VIPR2: variants seen among roughly 807,000 people sequenced by gnomAD.
VIPR2 encodes the protein vasoactive intestinal polypeptide receptor 2.
VIPR2 carries 48 observed loss-of-function variants against 58.0 expected under a neutral mutation model. The observed-to-expected ratio is 0.83, with a 90% CI of 0.66 to 1.05. The LOEUF (loss-of-function observed/expected upper bound fraction) is 1.05, where lower values mean the gene tolerates loss of function less well. VIPR2 is among the 50% of genes least tolerant of loss of function. The probability of loss-of-function intolerance (pLI) is 0.00; values close to 1 mark genes in which losing one functional copy is unlikely to be tolerated. For synonymous variants in VIPR2, 243 were observed against 235.2 expected (o/e 1.03, Z -0.30); for missense variants, 534 against 558.0 (o/e 0.96, Z 0.43).
intron 4 of VIPR2, among the ~76,000 whole-genome samples, chr7:159,059,715 A>G (rs1855522510): frequency 7.5e-6 from 1 of 132,926 alleles, no homozygotes; most frequent in East Asian, 2.0e-4. Flanking sequence ...AGAATATGTC[A>G]TTAACCACCA....
intron 4 of VIPR2, among the ~76,000 whole-genome samples, chr7:159,094,707 G>A (rs1000122440): frequency 5.3e-5 from 8 of 152,208 alleles, no homozygotes; most frequent in African/African-American, 9.6e-5. Context: ...CAGACAGCCC[G>A]TAATCAGTGC....
At chr7:159,074,737 C>G (rs1436132505) in intron 4 of VIPR2, among the ~76,000 whole-genome samples, 1 of 152,116 alleles carries the variant, frequency 6.6e-6, no homozygotes, top group African/African-American at 2.4e-5. Flanking sequence ...CCTGTAATCC[C>G]AACACTTTGG....
chr7:159,113,275 C>T (rs111591686), intron 2 of VIPR2, among the ~76,000 whole-genome samples: 45,475 of 152,060 alleles, frequency 0.3, 7,632 homozygotes, highest in African/African-American at 0.46. Context: ...TAGAAAGACA[C>T]TGTGAAACTT....
intron 4 of VIPR2, among the ~76,000 whole-genome samples, chr7:159,088,389 A>G (rs1246346047): frequency 6.6e-6 from 1 of 152,054 alleles, no homozygotes; most frequent in Non-Finnish European, 1.5e-5. Context: ...TACACCACAC[A>G]CAAGCTGCAG....
chr7:159,056,898 A>C (rs1219273224), intron 5 of VIPR2, among the ~76,000 whole-genome samples: 1 of 152,208 alleles, frequency 6.6e-6, no homozygotes, highest in Non-Finnish European at 1.5e-5. Flanking sequence ...AGCTCTGGAC[A>C]CTATGTGGTC....
At chr7:159,047,328 G>A (rs1156725307) in intron 5 of VIPR2, among the ~76,000 whole-genome samples, 1 of 152,178 alleles carries the variant, frequency 6.6e-6, no homozygotes, top group East Asian at 1.9e-4. Flanking sequence ...TTTTTGATGA[G>A]TTGTGTGGTT....
chr7:159,110,568 G>A (rs921798711), intron 2 of VIPR2, among the ~76,000 whole-genome samples: 2 of 123,194 alleles, frequency 1.6e-5, no homozygotes, highest in African/African-American at 6.4e-5. Flanking sequence ...CAACAGTGAT[G>A]GAATGCATGT....
intron 4 of VIPR2, among the ~76,000 whole-genome samples, chr7:159,091,812 G>A (rs546959078): frequency 1.6e-4 from 24 of 152,330 alleles, no homozygotes; most frequent in African/African-American, 4.1e-4. Flanking sequence ...CTCCTTCCAC[G>A]GGCCTGAGCA....
chr7:159,066,622 C>T (rs1856108575), intron 4 of VIPR2, among the ~76,000 whole-genome samples: 1 of 152,248 alleles, frequency 6.6e-6, no homozygotes, highest in Non-Finnish European at 1.5e-5. Flanking sequence ...TCTGGGATGG[C>T]TTGGTGGACC....
Position 159,098,643 on chromosome 7 carries a change from C to T in VIPR2, c.357+5114G>A, listed in dbSNP as rs911590292. ...CAGTGCCCAGGGCTGCCCTAGAGCC[C>T]TCTGGTCCGCAGAGCCCTTCTCCTC... On this transcript the variant is annotated intron_variant, in intron 4 of 12. Transcript: ENST00000262178. This position sits in a 1 kb window ranked among gnomAD's most constrained non-coding sequence, Gnocchi z 5.2. Among the ~76,000 whole-genome samples, 4 of 152,198 alleles carry T rather than the reference C, an allele frequency of 2.6e-5. No homozygotes were observed. Among genetic ancestry groups the T allele is most frequent in the Non-Finnish European group, 5.9e-5 (4 of 68,046 alleles).
chr7:159,030,533 C>T lies in VIPR2; in HGVS notation c.*83G>A. On this transcript the variant is annotated 3_prime_UTR_variant, in exon 13 of 13. Coordinates refer to ENST00000262178, the MANE Select transcript of VIPR2 (RefSeq NM_003382.5). ...CCTGCCCGACACGGTGCTCGGGCAT[C>T]TGGAAGGAGGAAGCCGGCGTCTCAG... 6.9e-7 allele frequency: 1 copy of T among 1,449,712 alleles called. No individual in the cohort carries two copies. Among genetic ancestry groups the T allele is most frequent in the Non-Finnish European group, 9.1e-7 (1 of 1,096,700 alleles). The allele number at this position is 1,449,712 out of a possible 1,614,324, so 89.8% of individuals were successfully genotyped here. A position where few individuals can be genotyped will look rare whatever the true frequency, so the allele number is the denominator to read the frequency against.
intron 2 of VIPR2, among the ~76,000 whole-genome samples, chr7:159,140,597 G>A (rs1466079706): frequency 6.6e-6 from 1 of 152,234 alleles, no homozygotes; most frequent in Non-Finnish European, 1.5e-5. Context: ...CTGGAAATAA[G>A]AGCCTTCAAT....
At position 159,071,101 on chromosome 7, in the gene VIPR2, C is replaced by G. The variant is rs560249152; in HGVS notation, c.358-12523G>C. ...ACTGTGTTGCAGGAGGTGGGTCGAG[C>G]AACTTCCAGGGTTTTTCTGGGTTGC... On this transcript the variant is annotated intron_variant, in intron 4 of 12. Transcript: ENST00000262178. Among the ~76,000 whole-genome samples the G allele has an allele frequency of 1.3e-3, 196 of 152,362 alleles. 3 individuals are homozygous for G. Among genetic ancestry groups the G allele is most frequent in the African/African-American group, 4.4e-3 (183 of 41,584 alleles).
In VIPR2 at chr7:159,031,770, AG is replaced by A; in HGVS notation, c.1143+57del. On this transcript the variant is annotated intron_variant, in intron 12 of 12. Coordinates refer to ENST00000262178, the MANE Select transcript of VIPR2 (RefSeq NM_003382.5). This position sits in a 1 kb window ranked among gnomAD's most constrained non-coding sequence, Gnocchi z 4.0. ...TGGGGGCTGCGGCACCAGGCTGGGCAGCATCTCAGGAAGCAAGTGAGTACCT... is the reference window on the plus strand; with the variant it reads ...TGGGGGCTGCGGCACCAGGCTGGGCACATCTCAGGAAGCAAGTGAGTACCT... The A allele has an allele frequency of 6.2e-7, 1 of 1,612,852 alleles. No individual in the cohort carries two copies. Among genetic ancestry groups the A allele is most frequent in the Non-Finnish European group, 8.5e-7 (1 of 1,179,900 alleles).
intron 2 of VIPR2, among the ~76,000 whole-genome samples, chr7:159,129,977 G>A (rs746749539): frequency 6.6e-5 from 8 of 121,096 alleles, no homozygotes; most frequent in African/African-American, 1.6e-4. Context: ...GCGGGGACAG[G>A]GCCAGGTGAC....
At chr7:159,058,646 C>T in intron 4 of VIPR2, 68 bp from the exon 5 acceptor site, 1 of 1,205,042 alleles carries the variant, frequency 8.3e-7, no homozygotes, top group South Asian at 1.2e-5. Flanking sequence ...GGAATGGTTC[C>T]AGGATCCAGC....
intron 4 of VIPR2, among the ~76,000 whole-genome samples, chr7:159,101,221 TCCC>T (rs1307466728): frequency 2.9e-5 from 4 of 137,940 alleles, no homozygotes; most frequent in African/African-American, 2.8e-5. Context: ...ACGAGGCCGT[TCCC>T]CCGACTGTTC....
chr7:159,125,705 T>C (rs979237142), intron 2 of VIPR2, among the ~76,000 whole-genome samples: 2 of 152,144 alleles, frequency 1.3e-5, no homozygotes, highest in South Asian at 4.1e-4. Context: ...CTGCCTTACT[T>C]TGACTTTCTG....
intron 4 of VIPR2, among the ~76,000 whole-genome samples, chr7:159,079,597 G>A (rs1363670629): frequency 7.9e-5 from 12 of 152,010 alleles, no homozygotes; most frequent in Non-Finnish European, 1.8e-4. Flanking sequence ...GCTAGCAGAA[G>A]GCAAGAAATA....
Sources: allele counts gnomAD v4.1 joint callset (sites outside exome capture counted in the v4.1 genomes callset), GRCh38; gene constraint gnomAD v4.1.1; non-coding constraint Gnocchi (gnomAD v3.1); transcripts MANE v1.5; gene names NCBI Gene and HGNC (gene_info 2026-07-23, HGNC 2026-07-21).